CDH18: variants seen among roughly 807,000 people sequenced by gnomAD.
CDH18 encodes cadherin 18.
CDH18 carries 31 observed loss-of-function variants against 67.9 expected under a neutral mutation model. The ratio of observed to expected loss-of-function variants is 0.46; its 90% CI spans 0.34 to 0.62. The LOEUF (loss-of-function observed/expected upper bound fraction) is 0.62. Among genes scored for constraint, CDH18 ranks in the 20% least tolerant of loss-of-function variants. CDH18 has a pLI of 0.01. For missense variants in CDH18, 890 were observed against 975.5 expected, an observed-to-expected ratio of 0.91 and a Z score of 1.17; for synonymous variants, 362 against 347.2, an observed-to-expected ratio of 1.04 and a Z score of -0.48.
intron 5 of CDH18, among the ~76,000 whole-genome samples, chr5:19,705,064 T>C (rs1268798441): frequency 6.6e-6 from 1 of 152,230 alleles, no homozygotes; most frequent in Non-Finnish European, 1.5e-5. Flanking sequence ...CCACAAGTCA[T>C]GTTAAACAGT....
intron 2 of CDH18, among the ~76,000 whole-genome samples, chr5:20,133,481 T>C (rs1749442539): frequency 1.3e-5 from 2 of 152,180 alleles, no homozygotes; most frequent in African/African-American, 4.8e-5. Flanking sequence ...GTGGAGATTA[T>C]GGGAGCTACA....
At chr5:20,078,336 G>T (rs1218354759) in intron 2 of CDH18, among the ~76,000 whole-genome samples, 1 of 151,874 alleles carries the variant, frequency 6.6e-6, no homozygotes, top group Non-Finnish European at 1.5e-5. Flanking sequence ...GGTGGCGTGT[G>T]CCTGTAGTCC....
intron 1 of CDH18, among the ~76,000 whole-genome samples, chr5:20,400,155 A>C (rs1396341): frequency 1 from 151,762 of 152,284 alleles, 75,623 homozygotes; most frequent in Middle Eastern, 1. Context: ...TCAATACAGA[A>C]AGCTCTGACT....
rs543553620 is a variant in CDH18 at position 20,499,291 on chromosome 5, T to C, written c.-580+76171A>G. Reference sequence around the variant, plus strand: ...ATATTTTAAATCATCTCTCTATTACTTAGAATACAAACTACAATGTAAATG... The same window carrying C: ...ATATTTTAAATCATCTCTCTATTACCTAGAATACAAACTACAATGTAAATG... On this transcript the variant is annotated intron_variant, in intron 1 of 14. Transcript: ENST00000507958. 4.4e-4 allele frequency among the ~76,000 whole-genome samples: 67 copies of C among 152,264 alleles called. 2 individuals carry two copies. The highest frequency in any genetic ancestry group is 1.4e-3 in the African/African-American group (59 of 41,580).
chr5:19,585,546 T>A (rs904757783), intron 7 of CDH18, among the ~76,000 whole-genome samples: 2 of 152,154 alleles, frequency 1.3e-5, no homozygotes, highest in African/African-American at 2.4e-5. Flanking sequence ...AGGATTCTTT[T>A]GAGGTTCATC....
intron 1 of CDH18, among the ~76,000 whole-genome samples, chr5:20,431,753 T>G: frequency 6.6e-6 from 1 of 152,320 alleles, no homozygotes; most frequent in East Asian, 1.9e-4. Context: ...TCTGAACCTC[T>G]TCTGATTCTG....
chr5:19,498,354 T>C (rs1742687130), intron 11 of CDH18, among the ~76,000 whole-genome samples: 1 of 152,094 alleles, frequency 6.6e-6, no homozygotes, highest in African/African-American at 2.4e-5. Context: ...TCATGAGAAA[T>C]TGTGCCCTAG....
chr5:19,722,250 C>A (rs915716990), intron 4 of CDH18, among the ~76,000 whole-genome samples: 1 of 151,832 alleles, frequency 6.6e-6, no homozygotes, highest in African/African-American at 2.4e-5. Context: ...AACAGGGTTT[C>A]GCCATGTTGG....
intron 2 of CDH18, among the ~76,000 whole-genome samples, chr5:20,245,422 T>C (rs1229586006): frequency 6.6e-6 from 1 of 152,132 alleles, no homozygotes; most frequent in Non-Finnish European, 1.5e-5. Context: ...AGAAAATAGC[T>C]GTCAAACAGC....
At chr5:19,729,216 T>TAATC (rs1767270715) in intron 4 of CDH18, among the ~76,000 whole-genome samples, 2 of 152,168 alleles carry the variant, frequency 1.3e-5, no homozygotes, top group Admixed American at 6.5e-5. Context: ...GAAAAAATAA[T>TAATC]AGGGAAATAA....
chr5:19,505,970 C>A (rs1361047809), intron 10 of CDH18, among the ~76,000 whole-genome samples: 2 of 152,042 alleles, frequency 1.3e-5, no homozygotes, highest in Admixed American at 1.3e-4. Flanking sequence ...GGTTTGTAGG[C>A]TATTAATTAT....
At chr5:19,832,353 G>A (rs1781142264) in intron 3 of CDH18, among the ~76,000 whole-genome samples, 1 of 151,728 alleles carries the variant, frequency 6.6e-6, no homozygotes, top group African/African-American at 2.4e-5. Context: ...AGATAATTTG[G>A]AATAATCTTA....
intron 5 of CDH18, among the ~76,000 whole-genome samples, chr5:19,617,182 A>G (rs989950910): frequency 2.0e-5 from 3 of 152,192 alleles, no homozygotes; most frequent in African/African-American, 7.2e-5. Flanking sequence ...TTCACATTTT[A>G]TCTTCATCAT....
At chr5:19,840,956 T>C (rs1295943789) in intron 2 of CDH18, among the ~76,000 whole-genome samples, 1 of 152,000 alleles carries the variant, frequency 6.6e-6, no homozygotes, top group Non-Finnish European at 1.5e-5. Flanking sequence ...CAAATTGACA[T>C]GACAGTATAA....
intron 2 of CDH18, among the ~76,000 whole-genome samples, chr5:20,215,468 A>G (rs1740693975): frequency 9.3e-6 from 1 of 107,668 alleles, no homozygotes; most frequent in Admixed American, 9.9e-5. Context: ...AAATAAATAA[A>G]TAAACAAACC....
At chr5:19,760,873 C>T (rs1397703988) in intron 3 of CDH18, among the ~76,000 whole-genome samples, 1 of 152,148 alleles carries the variant, frequency 6.6e-6, no homozygotes, top group African/African-American at 2.4e-5. Flanking sequence ...TCAGGCAGCA[C>T]AGAGTTTATG....
intron 2 of CDH18, among the ~76,000 whole-genome samples, chr5:19,994,305 ACATATATG>A (rs1800157828): frequency 6.6e-5 from 10 of 151,344 alleles, no homozygotes; most frequent in Non-Finnish European, 1.3e-4. Context: ...ACATATATAC[ACATATATG>A]TATACATATA....
In CDH18 at chr5:19,839,204, A is replaced by G. The variant is rs1384599219; in HGVS notation, c.-218T>C. On this transcript the variant is annotated 5_prime_UTR_variant, in exon 3 of 13. Transcript: ENST00000382275. ...TCAAAGCCGTAGTTGTCTGATTCCA[A>G]CTCTTCACAGTAGTTGAACACAAGC... The G allele has an allele frequency of 5.8e-6, 3 of 518,474 alleles. No individual in the cohort carries two copies. The highest frequency in any genetic ancestry group is 1.9e-5 in the African/African-American group (1 of 52,620). The allele number at this position is 518,474 out of a possible 1,614,324, so 32.1% of individuals were successfully genotyped here.
At chr5:19,516,384 C>T (rs147660557) in intron 10 of CDH18, among the ~76,000 whole-genome samples, 1 of 151,990 alleles carries the variant, frequency 6.6e-6, no homozygotes, top group Non-Finnish European at 1.5e-5. Flanking sequence ...TGGGAGGATT[C>T]CCTCTTTTTC....
Sources: allele counts gnomAD v4.1 joint callset (sites outside exome capture counted in the v4.1 genomes callset), GRCh38; gene constraint gnomAD v4.1.1; transcripts MANE v1.5; gene names NCBI Gene and HGNC (gene_info 2026-07-23, HGNC 2026-07-21).